The following RBFOX1 variants were observed in gnomAD, a reference collection of about 807,000 sequenced individuals.
The protein encoded by RBFOX1 is RNA binding fox-1 homolog 1.
In RBFOX1, 8 loss-of-function variants were observed where a neutral mutation model predicts 57.7. The ratio of observed to expected loss-of-function variants is 0.14; its 90% confidence interval spans 0.08 to 0.25. The LOEUF is 0.25. RBFOX1 is among the 10% of genes least tolerant of loss of function. The probability of loss-of-function intolerance (pLI) is 1.00; values close to 1 mark genes in which losing one functional copy is unlikely to be tolerated. For synonymous variants in RBFOX1, 326 were observed against 222.4 expected (o/e 1.47, Z -4.15); for missense variants, 611 against 548.5 (o/e 1.11, Z -1.14).
chr16:5,991,225 C>T (rs1046321677), intron 4 of RBFOX1, among the ~76,000 whole-genome samples: 14 of 152,110 alleles, frequency 9.2e-5, no homozygotes, highest in East Asian at 5.8e-4. Context: ...TCATATTCCC[C>T]ATTTGCAGAG....
intron 1 of RBFOX1, among the ~76,000 whole-genome samples, chr16:5,331,202 C>G (rs554969228): frequency 6.6e-6 from 1 of 152,296 alleles, no homozygotes; most frequent in African/African-American, 2.4e-5. Context: ...GTTATTTAAT[C>G]TGTTTGGCTT....
intron 2 of RBFOX1, among the ~76,000 whole-genome samples, chr16:6,368,467 C>G (rs535031543): frequency 8.5e-5 from 13 of 152,206 alleles, no homozygotes; most frequent in Non-Finnish European, 4.4e-5. Flanking sequence ...GTGCTGGTTC[C>G]TAATGTAGAC....
At chr16:6,482,375 C>T (rs1372601124) in intron 2 of RBFOX1, among the ~76,000 whole-genome samples, 2 of 152,138 alleles carry the variant, frequency 1.3e-5, no homozygotes, top group African/African-American at 2.4e-5. Flanking sequence ...GTCATTTCCC[C>T]AGCCAATTAA....
At chr16:6,606,430 G>T (rs1251718028) in intron 2 of RBFOX1, among the ~76,000 whole-genome samples, 1 of 152,146 alleles carries the variant, frequency 6.6e-6, no homozygotes, top group Non-Finnish European at 1.5e-5. Context: ...AGGTAAACGT[G>T]TGCCATAGTG....
intron 3 of RBFOX1, among the ~76,000 whole-genome samples, chr16:6,735,371 A>C (rs774367689): frequency 6.6e-6 from 1 of 152,172 alleles, no homozygotes; most frequent in Non-Finnish European, 1.5e-5. Flanking sequence ...GCTTGTACCT[A>C]CTATTCAGGG....
At chr16:5,524,665 C>T (rs1054685723) in intron 2 of RBFOX1, among the ~76,000 whole-genome samples, 1 of 151,806 alleles carries the variant, frequency 6.6e-6, no homozygotes, top group Non-Finnish European at 1.5e-5. Context: ...CTCAGCCTTC[C>T]AAGTAGCCGG....
At chr16:5,770,595 C>G (rs1380094902) in intron 3 of RBFOX1, among the ~76,000 whole-genome samples, 3 of 152,194 alleles carry the variant, frequency 2.0e-5, no homozygotes, top group Non-Finnish European at 4.4e-5. Flanking sequence ...CAGCCATTTT[C>G]CTGTTCTCTG....
intron 2 of RBFOX1, among the ~76,000 whole-genome samples, chr16:6,481,632 A>C (rs1430077418): frequency 6.6e-6 from 1 of 152,216 alleles, no homozygotes; most frequent in African/African-American, 2.4e-5. Context: ...GCGAAAGTCT[A>C]AACCCCTTTT....
intron 4 of RBFOX1, among the ~76,000 whole-genome samples, chr16:7,317,719 C>T (rs760756216): frequency 6.6e-6 from 1 of 152,194 alleles, no homozygotes; most frequent in Non-Finnish European, 1.5e-5. Context: ...GAATGTGAAA[C>T]AGAACTGACT....
intron 4 of RBFOX1, among the ~76,000 whole-genome samples, chr16:7,341,773 TCCC>T (rs2096899613): frequency 2.8e-5 from 2 of 71,050 alleles, no homozygotes; most frequent in African/African-American, 1.3e-4. Flanking sequence ...CTTCCCTCCC[TCCC>T]TCCTTCCTTC....
intron 4 of RBFOX1, among the ~76,000 whole-genome samples, chr16:6,004,311 C>G (rs1277708742): frequency 6.6e-6 from 1 of 152,218 alleles, no homozygotes; most frequent in African/African-American, 2.4e-5. Flanking sequence ...TTTCACTTAG[C>G]TTCTCTAAGC....
At chr16:6,103,295 CAT>C (rs1266130461) in intron 1 of RBFOX1, among the ~76,000 whole-genome samples, 1 of 152,108 alleles carries the variant, frequency 6.6e-6, no homozygotes, top group Non-Finnish European at 1.5e-5. Context: ...CTGCAGTACT[CAT>C]ATGACAAAAG....
rs77950542 is a variant in RBFOX1, at chr16:6,128,506, C to T, written c.-127+108514C>T. Among the ~76,000 whole-genome samples, 36 of 152,324 alleles carry T rather than the reference C, an allele frequency of 2.4e-4. No homozygotes were observed. In the East Asian group the frequency reaches 6.7e-3, roughly 29 times the overall value. Reference sequence around the variant, plus strand: ...TGAGCCTCATGAAAGCTCTGGCTTTCTGTCCAGGAGCCCTTTTCTGCTGCA... The same window carrying T: ...TGAGCCTCATGAAAGCTCTGGCTTTTTGTCCAGGAGCCCTTTTCTGCTGCA... On this transcript the variant is annotated intron_variant, in intron 1 of 15. Coordinates refer to ENST00000550418, the MANE Select transcript of RBFOX1 (RefSeq NM_018723.4).
intron 4 of RBFOX1, among the ~76,000 whole-genome samples, chr16:7,163,258 A>T (rs2078757952): frequency 6.6e-6 from 1 of 151,980 alleles, no homozygotes; most frequent in Non-Finnish European, 1.5e-5. Context: ...ACGTTGTTTG[A>T]TTTGGACGAA....
At chr16:7,136,401 G>A (rs903974812) in intron 4 of RBFOX1, among the ~76,000 whole-genome samples, 1 of 141,634 alleles carries the variant, frequency 7.1e-6, no homozygotes, top group Non-Finnish European at 1.5e-5. Flanking sequence ...CTATCATCTT[G>A]GGATTTTTTT....
At chr16:5,718,506 T>C (rs962091508) in intron 3 of RBFOX1, among the ~76,000 whole-genome samples, 1 of 152,246 alleles carries the variant, frequency 6.6e-6, no homozygotes, top group African/African-American at 2.4e-5. Flanking sequence ...GGCTGGGCTA[T>C]TGTGAAATAC....
At chr16:5,693,260 G>C (rs1448409019) in intron 3 of RBFOX1, among the ~76,000 whole-genome samples, 1 of 151,842 alleles carries the variant, frequency 6.6e-6, no homozygotes, top group Non-Finnish European at 1.5e-5. Context: ...TGAAAACTGT[G>C]GGTAATGAGG....
At chr16:5,528,691 C>G (rs1171837505) in intron 2 of RBFOX1, among the ~76,000 whole-genome samples, 1 of 151,468 alleles carries the variant, frequency 6.6e-6, no homozygotes, top group Non-Finnish European at 1.5e-5. Flanking sequence ...ACTCTGTCGC[C>G]CAGGCTGGAC....
At chr16:7,347,508 G>A (rs544577950) in intron 4 of RBFOX1, among the ~76,000 whole-genome samples, 5 of 152,220 alleles carry the variant, frequency 3.3e-5, no homozygotes, top group Admixed American at 6.5e-5. Flanking sequence ...CGTGGGAATC[G>A]TGGGAGATAC....
Sources: gnomAD v4.1 joint callset for allele counts (sites outside exome capture counted in the v4.1 genomes callset) on GRCh38, gnomAD v4.1.1 for gene constraint, MANE v1.5 for transcripts, NCBI Gene and HGNC (gene_info 2026-07-23, HGNC 2026-07-21) for gene names.